AMD1: variants seen among roughly 807,000 people sequenced by gnomAD.
AMD1 encodes adenosylmethionine decarboxylase 1.
In AMD1, 11 loss-of-function variants were observed where a neutral mutation model predicts 40.2. That is an observed-to-expected ratio of 0.27 (90% CI 0.17 to 0.45). The LOEUF is 0.45. Among genes scored for constraint, AMD1 ranks in the 20% least tolerant of loss-of-function variants. The probability of loss-of-function intolerance (pLI) is 1.00; values close to 1 mark genes in which losing one functional copy is unlikely to be tolerated. For missense variants in AMD1, 257 were observed against 410.2 expected (o/e 0.63, Z 3.23); for synonymous variants, 121 against 130.8 (o/e 0.93, Z 0.51).
At position 110,882,320 on chromosome 6, in the gene AMD1, C is replaced by T. The variant is rs185644026; in HGVS notation, c.111-5185C>T. Among the ~76,000 whole-genome samples the T allele has an allele frequency of 3.2e-4, 48 of 152,274 alleles. 1 individual carries two copies. Among genetic ancestry groups the T allele is most frequent in the African/African-American group, 1.1e-3 (47 of 41,554 alleles). ...AAAACCTTTCCTCCAAAACAAGAGT[C>T]AGCAAACTTTCTGTAAAGGACTAGG... On this transcript the variant is annotated intron_variant, in intron 1 of 8. Transcript: ENST00000368885.
the AMD1 span, among the ~76,000 whole-genome samples, chr6:110,820,789 G>C: frequency 6.6e-6 from 1 of 152,072 alleles, no homozygotes; most frequent in Non-Finnish European, 1.5e-5. Context: ...TATAATCCCA[G>C]CTACTTGGGA....
chr6:110,858,989 C>A, the AMD1 span: 1 of 1,140,328 alleles, frequency 8.8e-7, no homozygotes, highest in Admixed American at 1.7e-5. Flanking sequence ...ACACGCAGGG[C>A]GCCAAGCAAA....
chr6:110,892,024 C>G, intron 4 of AMD1, 137 bp from the exon 5 acceptor site: 2 of 1,046,370 alleles, frequency 1.9e-6, no homozygotes, highest in East Asian at 2.4e-5. Context: ...ACATGAGCTA[C>G]TATGCCCAGT....
At chr6:110,827,765 C>CAA in the AMD1 span, among the ~76,000 whole-genome samples, 7 of 91,212 alleles carry the variant, frequency 7.7e-5, no homozygotes, top group South Asian at 2.9e-4. Context: ...AACTCCATCT[C>CAA]AAAAAAAAAA....
At chr6:110,870,229 C>T (rs1383844525), upstream of AMD1, among the ~76,000 whole-genome samples, 1 of 152,156 alleles carries the variant, frequency 6.6e-6, no homozygotes, top group African/African-American at 2.4e-5. Flanking sequence ...GCTTTCAAAC[C>T]ACCACTGTGA....
upstream of AMD1, chr6:110,874,777 G>A (rs963087831): frequency 2.5e-5 from 5 of 199,626 alleles, no homozygotes; most frequent in South Asian, 1.1e-4. Flanking sequence ...TGCTCACGCA[G>A]CGCTCTCGCT....
At chr6:110,873,553 T>A (rs958774755), upstream of AMD1, among the ~76,000 whole-genome samples, 1 of 152,188 alleles carries the variant, frequency 6.6e-6, no homozygotes, top group African/African-American at 2.4e-5. Context: ...TTATTTCACT[T>A]TGGGGAAAGT....
the AMD1 span, among the ~76,000 whole-genome samples, chr6:110,850,227 G>T: frequency 1.3e-5 from 2 of 152,034 alleles, no homozygotes; most frequent in Admixed American, 1.3e-4. Flanking sequence ...ATTTAATTTT[G>T]CAGATTATAG....
intron 1 of AMD1, among the ~76,000 whole-genome samples, chr6:110,879,533 G>A (rs1184104146): frequency 6.6e-6 from 1 of 152,152 alleles, no homozygotes; most frequent in Non-Finnish European, 1.5e-5. Context: ...TTATTTCTCA[G>A]GTTATCTGAA....
At chr6:110,837,792 G>A in the AMD1 span, among the ~76,000 whole-genome samples, 3 of 133,666 alleles carry the variant, frequency 2.2e-5, no homozygotes, top group African/African-American at 8.5e-5. Context: ...GTTAGGGGCG[G>A]TGGCTCACAC....
In AMD1 at chr6:110,891,836, G is replaced by A. The variant is rs368659727; in HGVS notation, c.428-325G>A. On this transcript the variant is annotated intron_variant, in intron 4 of 8. Transcript: ENST00000368885. ...TGGCTCACTGCAACCTCCGCCTCCC[G>A]GGTTCAAGCAGTTCTCCTGCCTCAG... 114 of 294,590 alleles carry A rather than the reference G, an allele frequency of 3.9e-4. No individual in the cohort carries two copies. The East Asian group carries it at 6.7e-3, about 17-fold the overall frequency. The allele number at this position is 294,590 out of a possible 1,614,324, so 18.2% of individuals were successfully genotyped here.
chr6:110,836,834 A>G, the AMD1 span, among the ~76,000 whole-genome samples: 1 of 152,020 alleles, frequency 6.6e-6, no homozygotes, highest in Non-Finnish European at 1.5e-5. Context: ...GCTGGTGAAG[A>G]GTTGGTCTCT....
chr6:110,835,315 G>A, the AMD1 span, among the ~76,000 whole-genome samples: 1 of 151,980 alleles, frequency 6.6e-6, no homozygotes, highest in East Asian at 2.0e-4. Context: ...ACCGCACCCG[G>A]CCTGTGGATA....
At chr6:110,881,022 A>G (rs1332752243) in intron 1 of AMD1, among the ~76,000 whole-genome samples, 2 of 152,072 alleles carry the variant, frequency 1.3e-5, no homozygotes, top group African/African-American at 4.8e-5. Flanking sequence ...TTTTTATTAG[A>G]CCTCAGCCTC....
the AMD1 span, among the ~76,000 whole-genome samples, chr6:110,857,893 A>G: frequency 6.6e-6 from 1 of 151,542 alleles, no homozygotes; most frequent in African/African-American, 2.4e-5. Flanking sequence ...GGAATGCAGT[A>G]GACTGATCAT....
At chr6:110,858,969 C>T in the AMD1 span, 102,268 of 1,111,674 alleles carry the variant, frequency 0.092, 5,651 homozygotes, top group Admixed American at 0.15. Context: ...CATGTCGCTG[C>T]AGATGGGCTA....
At chr6:110,826,703 T>C in the AMD1 span, among the ~76,000 whole-genome samples, 1 of 151,088 alleles carries the variant, frequency 6.6e-6, no homozygotes, top group South Asian at 2.1e-4. Flanking sequence ...TTTTTTTTTT[T>C]TTGTGAGACG....
chr6:110,814,894 C>A, the AMD1 span: 218 of 1,402,284 alleles, frequency 1.6e-4, no homozygotes, highest in Non-Finnish European at 2.0e-4. Flanking sequence ...ACCCCGCGAC[C>A]CCCTCCGCCT....
chr6:110,876,829 A>G (rs1223527341), intron 1 of AMD1, among the ~76,000 whole-genome samples: 1 of 152,214 alleles, frequency 6.6e-6, no homozygotes, highest in Non-Finnish European at 1.5e-5. Flanking sequence ...AACCTAGAAA[A>G]TCTTGGGTAA....
Sources: gnomAD v4.1 joint callset for allele counts (sites outside exome capture counted in the v4.1 genomes callset) on GRCh38, gnomAD v4.1.1 for gene constraint, MANE v1.5 for transcripts, NCBI Gene and HGNC (gene_info 2026-07-23, HGNC 2026-07-21) for gene names.